VWDE: variants seen among roughly 807,000 people sequenced by gnomAD.
The protein encoded by VWDE is von Willebrand factor D and EGF domain-containing protein.
VWDE carries 207 observed loss-of-function variants against 178.4 expected under a neutral mutation model. The ratio of observed to expected loss-of-function variants is 1.16; its 90% CI spans 1.04 to 1.30. The LOEUF is 1.30. Ranked by LOEUF, VWDE falls within the 50% of genes most tolerant of loss-of-function variation. The pLI is 0.00. For missense variants in VWDE, 2,287 were observed against 1,901.3 expected (o/e 1.20, Z -3.77); for synonymous variants, 738 against 651.4 (o/e 1.13, Z -2.02).
At chr7:12,379,124 G>A (rs1783693340) in intron 6 of VWDE, among the ~76,000 whole-genome samples, 1 of 152,154 alleles carries the variant, frequency 6.6e-6, no homozygotes, top group South Asian at 2.1e-4. Context: ...TCTAGTCAGA[G>A]ACTCTACTAC....
intron 15 of VWDE, among the ~76,000 whole-genome samples, chr7:12,360,420 T>G (rs976499646): frequency 6.6e-6 from 1 of 152,144 alleles, no homozygotes; most frequent in Non-Finnish European, 1.5e-5. Context: ...AATGGAATAT[T>G]TGGGAAAAAT....
intron 19 of VWDE, among the ~76,000 whole-genome samples, chr7:12,347,529 T>A (rs2128548695): frequency 6.6e-6 from 1 of 152,160 alleles, no homozygotes; most frequent in Middle Eastern, 3.4e-3. Flanking sequence ...AATGTATTAT[T>A]GGCATAAAAA....
chr7:12,339,659 T>C (rs1452837229), intron 24 of VWDE, among the ~76,000 whole-genome samples: 1 of 152,144 alleles, frequency 6.6e-6, no homozygotes, highest in Non-Finnish European at 1.5e-5. Flanking sequence ...GGAAATACTC[T>C]GACATGTTCT....
chr7:12,369,565 T>C lies in VWDE; in HGVS notation c.2741A>G (p.Tyr914Cys), dbSNP rs1345511050. 1.3e-6 allele frequency: 2 copies of C among 1,538,296 alleles called. No homozygotes were observed. Among genetic ancestry groups the C allele is most frequent in the South Asian group, 2.4e-5 (2 of 83,188 alleles). The change falls in exon 12 of 29, where the codon TAT becomes TGT. Residue 914 changes from tyrosine (Y) to cysteine (C), a missense_variant. Transcript: ENST00000275358. ...CTTACCATAGGAATCACTGCAGTCA[T>C]AGGAACTAAAGCTTGGGGAACACGC... ...GCACSPSFSS[Y>C]DCSDSYDKAP...
At chr7:12,332,745 G>A (rs112697705) in intron 28 of VWDE, among the ~76,000 whole-genome samples, 2,838 of 152,124 alleles carry the variant, frequency 0.019, 81 homozygotes, top group African/African-American at 0.064. Context: ...ACCAGTGCTC[G>A]GAGAAAACTA....
intron 7 of VWDE, among the ~76,000 whole-genome samples, chr7:12,377,308 G>A (rs952747606): frequency 3.3e-5 from 5 of 152,228 alleles, no homozygotes; most frequent in South Asian, 2.1e-4. Context: ...ATAAACGTAC[G>A]TTAGGGAGAG....
intron 2 of VWDE, among the ~76,000 whole-genome samples, chr7:12,393,344 T>C (rs1462137937): frequency 6.6e-6 from 1 of 152,176 alleles, no homozygotes; most frequent in Non-Finnish European, 1.5e-5. Flanking sequence ...GATGATAGAT[T>C]GTATGCTACA....
intron 13 of VWDE, among the ~76,000 whole-genome samples, chr7:12,363,302 T>C (rs1782681794): frequency 6.6e-6 from 1 of 151,948 alleles, no homozygotes; most frequent in Non-Finnish European, 1.5e-5. Context: ...ATGGAGGGAA[T>C]AGTGTATGAA....
intron 1 of VWDE, among the ~76,000 whole-genome samples, chr7:12,396,762 A>C (rs1222067805): frequency 6.6e-6 from 1 of 151,866 alleles, no homozygotes; most frequent in East Asian, 1.9e-4. Context: ...CTTAAAAAAA[A>C]AAAAAAAATA....
intron 19 of VWDE, 115 bp from the exon 20 acceptor site, chr7:12,344,584 G>T: frequency 1.3e-6 from 1 of 759,770 alleles, no homozygotes; most frequent in Non-Finnish European, 2.1e-6. Flanking sequence ...TTAACTAATA[G>T]TCCCTCTAGA....
intron 1 of VWDE, among the ~76,000 whole-genome samples, chr7:12,399,538 T>C (rs1373182805): frequency 6.6e-6 from 1 of 152,138 alleles, no homozygotes; most frequent in African/African-American, 2.4e-5. Context: ...CAGCATAATA[T>C]AAATTAGAAC....
intron 13 of VWDE, among the ~76,000 whole-genome samples, chr7:12,362,220 TACAC>T (rs61071248): frequency 3.8e-4 from 56 of 149,168 alleles, no homozygotes; most frequent in Admixed American, 1.4e-3. Flanking sequence ...GAGACAAACA[TACAC>T]ACACACACAC....
At chr7:12,346,838 T>C (rs1163440647) in intron 19 of VWDE, among the ~76,000 whole-genome samples, 3 of 152,058 alleles carry the variant, frequency 2.0e-5, no homozygotes, top group Admixed American at 6.6e-5. Flanking sequence ...TCTTAAAATA[T>C]AAAAAACACT....
intron 13 of VWDE, 43 bp from the exon 14 acceptor site, chr7:12,361,564 G>T: frequency 6.9e-7 from 1 of 1,445,976 alleles, no homozygotes; most frequent in East Asian, 2.6e-5. Context: ...GTTAAATTAT[G>T]GAAATATTTT....
chr7:12,339,588 T>C (rs1781217644), intron 24 of VWDE, among the ~76,000 whole-genome samples: 1 of 152,178 alleles, frequency 6.6e-6, no homozygotes, highest in South Asian at 2.1e-4. Context: ...ATAAAAGAAA[T>C]AGAATTGCAA....
At chr7:12,401,119 AG>A (rs1784873965) in intron 1 of VWDE, among the ~76,000 whole-genome samples, 1 of 152,166 alleles carries the variant, frequency 6.6e-6, no homozygotes, top group Non-Finnish European at 1.5e-5. Flanking sequence ...TGATGAAGAA[AG>A]ACTAGATGCT....
intron 18 of VWDE, among the ~76,000 whole-genome samples, chr7:12,352,278 T>C (rs1172458162): frequency 6.6e-6 from 1 of 152,222 alleles, no homozygotes; most frequent in East Asian, 1.9e-4. Context: ...CCACAGAACT[T>C]TGCCCTTCAT....
intron 27 of VWDE, among the ~76,000 whole-genome samples, chr7:12,333,894 C>T (rs555891175): frequency 6.6e-6 from 1 of 152,028 alleles, no homozygotes; most frequent in Non-Finnish European, 1.5e-5. Flanking sequence ...AAGTCATTAA[C>T]AGAAGATAGC....
chr7:12,375,160 GGAA>G lies in VWDE; in HGVS notation c.1089_1091del (p.Ser364del). On this transcript the variant is annotated inframe_deletion, in exon 8 of 29. Transcript: ENST00000275358. ...TGTGGCTACAGGTTCCATTAGCACA[GGAA>G]GATGTCTGGAGAAGGTCCACATGAC... 6.4e-7 allele frequency: 1 copy of G among 1,551,206 alleles called. No homozygotes were observed. Among genetic ancestry groups the G allele is most frequent in the Non-Finnish European group, 8.7e-7 (1 of 1,146,626 alleles).
Sources: allele counts gnomAD v4.1 joint callset (sites outside exome capture counted in the v4.1 genomes callset), GRCh38; gene constraint gnomAD v4.1.1; transcripts MANE v1.5; gene names NCBI Gene and HGNC (gene_info 2026-07-23, HGNC 2026-07-21).